Variants in SORL1 observed in about 807,000 individuals in gnomAD.
SORL1 encodes the protein sortilin-related receptor.
Under a neutral mutation model 273.7 loss-of-function variants are expected in SORL1, and 127 were observed. That is an observed-to-expected ratio of 0.46 (90% CI 0.40 to 0.54). The LOEUF is 0.54. SORL1 is among the 20% of genes least tolerant of loss of function. The pLI is 0.00. For synonymous variants in SORL1, 1,031 were observed against 1,067.4 expected, an observed-to-expected ratio of 0.97 and a Z score of 0.66; for missense variants, 2,494 against 2,846.1, an observed-to-expected ratio of 0.88 and a Z score of 2.81.
chr11:121,586,693 T>TGGGGGG (rs376563096), intron 27 of SORL1, among the ~76,000 whole-genome samples: 2 of 97,154 alleles, frequency 2.1e-5, no homozygotes, highest in African/African-American at 3.9e-5. Context: ...GGGGGTAGAG[T>TGGGGGG]GGGGGGGGGG....
At chr11:121,496,390 CA>C (rs1479936569) in intron 5 of SORL1, among the ~76,000 whole-genome samples, 1 of 152,148 alleles carries the variant, frequency 6.6e-6, no homozygotes, top group Non-Finnish European at 1.5e-5. Flanking sequence ...TGGTAGGGGA[CA>C]GGGCAGAGAC....
chr11:121,523,307 G>A (rs1862069389), intron 11 of SORL1, among the ~76,000 whole-genome samples: 1 of 152,108 alleles, frequency 6.6e-6, no homozygotes, highest in Non-Finnish European at 1.5e-5. Flanking sequence ...TGGAGTGGGG[G>A]CTCAGGGCAT....
Position 121,630,330 on chromosome 11 carries a change from C to T in SORL1, c.*767C>T, listed in dbSNP as rs1019204982. 6.6e-6 allele frequency: 1 copy of T among 152,166 alleles called. No homozygotes were observed. Among genetic ancestry groups the T allele is most frequent in the Non-Finnish European group, 1.5e-5 (1 of 68,040 alleles). The allele number at this position is 152,166 out of a possible 1,614,324, so 9.4% of individuals were successfully genotyped here. A position where few individuals can be genotyped will look rare whatever the true frequency, so the allele number is the denominator to read the frequency against. On this transcript the variant is annotated 3_prime_UTR_variant, in exon 48 of 48. Transcript: ENST00000260197. ...ATTGATGGAATTTTACTGTATGTGCCTCTGTACAAGATGTAGCTTTGAGAG... is the reference window on the plus strand; with the variant it reads ...ATTGATGGAATTTTACTGTATGTGCTTCTGTACAAGATGTAGCTTTGAGAG...
chr11:121,510,432 C>T (rs1370385474), intron 6 of SORL1, among the ~76,000 whole-genome samples: 1 of 152,152 alleles, frequency 6.6e-6, no homozygotes, highest in African/African-American at 2.4e-5. Flanking sequence ...TAATGTTCTG[C>T]CATCCTGACT....
At chr11:121,610,013 C>T (rs762676630) in intron 38 of SORL1, 4 of 152,206 alleles carry the variant, frequency 2.6e-5, no homozygotes, top group Admixed American at 1.3e-4. Flanking sequence ...CTGAAGCTTC[C>T]AATATCCTTT....
intron 45 of SORL1, among the ~76,000 whole-genome samples, chr11:121,623,380 C>T (rs17125561): frequency 0.018 from 2,732 of 152,222 alleles, 105 homozygotes; most frequent in African/African-American, 0.063. Flanking sequence ...CTATCAAAAA[C>T]GTTGAAAGTG....
chr11:121,590,048 A>C lies in SORL1; in HGVS notation c.4087A>C (p.Thr1363Pro). The C allele has an allele frequency of 6.2e-7, 1 of 1,614,050 alleles. No homozygotes were observed. The highest frequency in any genetic ancestry group is 8.5e-7 in the Non-Finnish European group (1 of 1,179,962). The change falls in exon 30 of 48, where the codon ACA becomes CCA. Residue 1363 changes from threonine (T) to proline (P), a missense_variant. This residue lies in a region of SORL1 where 1,609 missense variants were observed against 1,816.4 expected (regional missense o/e 0.89). Coordinates refer to ENST00000260197, the MANE Select transcript of SORL1 (RefSeq NM_003105.6). ...YSDEANCENP[T>P]EAPNCSRYFQ... The stretch of plus-strand genomic sequence containing the variant: ...GTGGTTGATCTCTGCAGAAAACCCC[A>C]CAGAAGCCCCAAACTGCTCCCGCTA...
intron 44 of SORL1, 31 bp downstream of exon 44, chr11:121,621,269 A>G (rs1260197099): frequency 2.5e-6 from 4 of 1,596,058 alleles, no homozygotes; most frequent in Non-Finnish European, 3.4e-6. Flanking sequence ...AGGTCTTCTC[A>G]CACAGCCTGC....
chr11:121,550,821 G>A lies in SORL1; in HGVS notation c.2266+151G>A. The A allele has an allele frequency of 1.6e-6, 1 of 640,332 alleles. No homozygotes were observed. Among genetic ancestry groups the A allele is most frequent in the Non-Finnish European group, 2.7e-6 (1 of 372,974 alleles). The allele number at this position is 640,332 out of a possible 1,614,324, so 39.7% of individuals were successfully genotyped here. ...TCACAGGGCTTCCTCTTTTCCCTAAGGTTGGTTTCCACACTGAACTTGTAC... is the reference window on the plus strand; with the variant it reads ...TCACAGGGCTTCCTCTTTTCCCTAAAGTTGGTTTCCACACTGAACTTGTAC... On this transcript the variant is annotated intron_variant, in intron 16 of 47. Transcript: ENST00000260197. This position sits in a 1 kb window ranked among gnomAD's most constrained non-coding sequence, Gnocchi z 5.3.
rs777220725 is a variant in SORL1 at position 121,537,055 on chromosome 11, C to T, written c.1685+4503C>T. The stretch of plus-strand genomic sequence containing the variant: ...AAGGATACAAAGCAAGGTCGGAATG[C>T]TTTTCCAGGTCTAGAGAGACCTTGA... On this transcript the variant is annotated intron_variant, in intron 12 of 47. Coordinates refer to ENST00000260197, the MANE Select transcript of SORL1 (RefSeq NM_003105.6). Among the ~76,000 whole-genome samples, 105 of 152,234 alleles carry T rather than the reference C, an allele frequency of 6.9e-4. 1 individual carries two copies. Among genetic ancestry groups the T allele is most frequent in the Admixed American group, 2.2e-3 (34 of 15,302 alleles).
intron 31 of SORL1, 68 bp downstream of exon 31, chr11:121,591,224 TC>T (rs1863210076): frequency 1.3e-6 from 2 of 1,556,266 alleles, no homozygotes; most frequent in Non-Finnish European, 1.8e-6. Flanking sequence ...GGGGGTGTGC[TC>T]TGGGCACAAT....
intron 22 of SORL1, 37 bp downstream of exon 22, chr11:121,567,150 T>A: frequency 6.5e-7 from 1 of 1,549,648 alleles, no homozygotes; most frequent in Non-Finnish European, 8.8e-7. Context: ...TCATCCTCCT[T>A]CCTTTGTTTC....
At chr11:121,575,776 A>C (rs1421028174) in intron 24 of SORL1, among the ~76,000 whole-genome samples, 1 of 152,190 alleles carries the variant, frequency 6.6e-6, no homozygotes, top group Non-Finnish European at 1.5e-5. Context: ...GAAGGTTGAA[A>C]TGTGTAGCTA....
intron 10 of SORL1, 81 bp from the exon 11 acceptor site, chr11:121,522,832 ATAC>A (rs1591310923): frequency 1.4e-6 from 2 of 1,383,568 alleles, no homozygotes; most frequent in East Asian, 4.6e-5. Context: ...TAGTTGCTAG[ATAC>A]TACGCAGAAT....
At chr11:121,621,325 G>A (rs536304656) in intron 44 of SORL1, 87 bp downstream of exon 44, 206 of 1,248,374 alleles carry the variant, frequency 1.7e-4, no homozygotes, top group Non-Finnish European at 2.2e-4. Context: ...CTTTTCATTA[G>A]GCGTTTGTTT....
intron 45 of SORL1, 23 bp downstream of exon 45, chr11:121,622,291 A>AT (rs760642946): frequency 1.5e-5 from 21 of 1,407,708 alleles, no homozygotes; most frequent in Admixed American, 5.2e-5. Flanking sequence ...CTCATTCTCA[A>AT]TGACTTTGGA....
At chr11:121,575,103 C>G (rs773809606) in intron 24 of SORL1, among the ~76,000 whole-genome samples, 48 of 152,174 alleles carry the variant, frequency 3.2e-4, no homozygotes, top group Non-Finnish European at 5.4e-4. Context: ...TAGAGATTCT[C>G]TGGTCCAATC....
Position 121,605,431 on chromosome 11 carries a change from T to C in SORL1, c.4808T>C (p.Leu1603Pro). 6.2e-7 allele frequency: 1 copy of C among 1,613,796 alleles called. No homozygotes were observed. The highest frequency in any genetic ancestry group is 8.5e-7 in the Non-Finnish European group (1 of 1,179,726). Reference sequence around the variant, plus strand: ...GTTGGAGAGAGCATATGGAAGACTCTGGAGACCCACAGCAATAAGACAAAC... The same window carrying C: ...GTTGGAGAGAGCATATGGAAGACTCCGGAGACCCACAGCAATAAGACAAAC... The part of the protein sequence containing the change: ...RVVGESIWKT[L>P]ETHSNKTNTV... Residue 1603 changes from leucine to proline, a missense_variant, in exon 35 of 48, where the codon CTG becomes CCG. By Grantham distance (98) the Leu-to-Pro change is moderately conservative. Coordinates refer to ENST00000260197, the MANE Select transcript of SORL1 (RefSeq NM_003105.6).
intron 30 of SORL1, chr11:121,590,480 C>T (rs909231451): frequency 2.0e-6 from 1 of 497,628 alleles, no homozygotes; most frequent in Non-Finnish European, 3.6e-6. Context: ...AATGTAGAAT[C>T]TCTGACCTCA....
Sources: gnomAD v4.1 joint callset for allele counts (sites outside exome capture counted in the v4.1 genomes callset) on GRCh38, gnomAD v4.1.1 for gene constraint, gnomAD v4.1.1 regional missense constraint, Gnocchi (gnomAD v3.1) non-coding constraint, MANE v1.5 for transcripts, NCBI Gene and HGNC (gene_info 2026-07-23, HGNC 2026-07-21) for gene names.